Variants in LRBA observed in about 807,000 individuals in gnomAD.
The protein encoded by LRBA is lipopolysaccharide-responsive and beige-like anchor protein.
A neutral mutation model predicts 330.0 loss-of-function variants in LRBA; 176 were observed. That is an observed-to-expected ratio of 0.53 (90% CI 0.47 to 0.60). The LOEUF (loss-of-function observed/expected upper bound fraction) is 0.60, where lower values mean the gene tolerates loss of function less well. LRBA is among the 20% of genes least tolerant of loss of function. LRBA has a pLI of 0.00. For missense variants in LRBA, 3,259 were observed against 3,444.8 expected (o/e 0.95, Z 1.35); for synonymous variants, 1,230 against 1,193.0 (o/e 1.03, Z -0.64).
intron 36 of LRBA, among the ~76,000 whole-genome samples, chr4:150,696,787 T>C (rs1185924015): frequency 6.7e-6 from 1 of 150,370 alleles, no homozygotes; most frequent in Non-Finnish European, 1.5e-5. Context: ...GGCAAATGAA[T>C]ACCTTGCACT....
chr4:150,433,167 T>C (rs1194313350), intron 46 of LRBA, among the ~76,000 whole-genome samples: 1 of 152,202 alleles, frequency 6.6e-6, no homozygotes. Context: ...CTCCTTATTA[T>C]TTGTGATGAA....
At chr4:151,012,720 T>C (rs1173076009) in intron 2 of LRBA, 1 of 152,156 alleles carries the variant, frequency 6.6e-6, no homozygotes, top group Non-Finnish European at 1.5e-5. Context: ...TGTGTGTGTC[T>C]ATAGGTGTTT....
chr4:150,928,371 G>C (rs1013414000), intron 4 of LRBA, 145 bp downstream of exon 4: 2 of 576,294 alleles, frequency 3.5e-6, no homozygotes, highest in Non-Finnish European at 6.2e-6. Flanking sequence ...GGCACGAGTA[G>C]CCACAGGGAT....
At chr4:150,590,246 GT>G (rs1340043960) in intron 39 of LRBA, among the ~76,000 whole-genome samples, 1 of 151,686 alleles carries the variant, frequency 6.6e-6, no homozygotes, top group Non-Finnish European at 1.5e-5. Context: ...CGTGAATGTT[GT>G]GAAAAGCCAT....
At chr4:150,387,087 T>C (rs1743191863) in intron 47 of LRBA, among the ~76,000 whole-genome samples, 1 of 150,962 alleles carries the variant, frequency 6.6e-6, no homozygotes, top group Non-Finnish European at 1.5e-5. Flanking sequence ...TCTTTTCAAG[T>C]CCTTTGCCCA....
At chr4:150,668,508 C>A (rs952569356) in intron 37 of LRBA, among the ~76,000 whole-genome samples, 2 of 152,146 alleles carry the variant, frequency 1.3e-5, no homozygotes, top group African/African-American at 4.8e-5. Context: ...CTAAATCCCA[C>A]AAAAGAGAAT....
intron 28 of LRBA, among the ~76,000 whole-genome samples, chr4:150,838,291 G>T (rs1442980812): frequency 6.6e-6 from 1 of 152,116 alleles, no homozygotes; most frequent in African/African-American, 2.4e-5. Flanking sequence ...TTCTCGAGGA[G>T]TATGTTTGTG....
chr4:150,865,248 A>ATT (rs1331819990), intron 22 of LRBA, among the ~76,000 whole-genome samples: 2 of 152,242 alleles, frequency 1.3e-5, no homozygotes, highest in Non-Finnish European at 2.9e-5. Context: ...AGAAATGAGA[A>ATT]TATCTGGGCA....
At chr4:150,452,688 A>G (rs776543129) in intron 44 of LRBA, among the ~76,000 whole-genome samples, 11 of 152,106 alleles carry the variant, frequency 7.2e-5, no homozygotes, top group African/African-American at 1.9e-4. Flanking sequence ...GCCTATAGCT[A>G]ACATCACACT....
intron 35 of LRBA, among the ~76,000 whole-genome samples, chr4:150,759,154 A>C (rs1478162441): frequency 6.6e-6 from 1 of 152,048 alleles, no homozygotes; most frequent in Non-Finnish European, 1.5e-5. Context: ...GGGCTCTAAC[A>C]AGTCACCCAC....
chr4:150,580,293 T>C (rs1392422636), intron 40 of LRBA: 3 of 117,898 alleles, frequency 2.5e-5, no homozygotes, highest in African/African-American at 8.3e-5. Flanking sequence ...AAATCCGAGA[T>C]AGTTTTTTTT....
In LRBA at chr4:150,685,414, ATATATATTTTTTTTTTTT is replaced by A. The variant is rs1489759677; in HGVS notation, c.5755-1715_5755-1698del. On this transcript the variant is annotated intron_variant, in intron 36 of 56. Coordinates refer to ENST00000651943, the MANE Select transcript of LRBA (RefSeq NM_001364905.1). Reference sequence around the variant, plus strand: ...TATATATATATATATATATATATATATATATATTTTTTTTTTTTTTTTTTTTTTTTTTTTTTGAGACAG... The same window carrying A: ...TATATATATATATATATATATATATATTTTTTTTTTTTTTTTTTGAGACAG... Among the ~76,000 whole-genome samples the A allele has an allele frequency of 2.1e-4, 4 of 19,388 alleles. No homozygotes were observed. In the South Asian group the frequency reaches 0.011, roughly 55 times the overall value. 12.7% of individuals were successfully genotyped at this position (19,388 alleles called of 152,430 possible). A position where few individuals can be genotyped will look rare whatever the true frequency, so the allele number is the denominator to read the frequency against.
intron 2 of LRBA, among the ~76,000 whole-genome samples, chr4:150,951,146 G>T (rs183969853): frequency 6.6e-6 from 1 of 152,286 alleles, no homozygotes; most frequent in East Asian, 1.9e-4. Flanking sequence ...TTCATTCAAT[G>T]ATGTAGCCTG....
At position 150,761,851 on chromosome 4, in the gene LRBA, TA is replaced by T. The variant is rs760075270; in HGVS notation, c.5581-5del. ...TCTGAATAGAATTTTGCCACTCCTA[TA>T]AAAAAAAAAGCAAAAATAGCTGAAG... On this transcript the variant is annotated splice_region_variant and splice_polypyrimidine_tract_variant and intron_variant, in intron 34 of 56. Transcript: ENST00000651943. 0.016 allele frequency: 19,361 copies of T among 1,221,092 alleles called. No individual in the cohort carries two copies. Among genetic ancestry groups the T allele is most frequent in the South Asian group, 0.024 (1,384 of 57,006 alleles). 75.6% of individuals were successfully genotyped at this position (1,221,092 alleles called of 1,614,324 possible).
At chr4:150,397,920 A>AT (rs1300683338) in intron 47 of LRBA, among the ~76,000 whole-genome samples, 2 of 152,210 alleles carry the variant, frequency 1.3e-5, no homozygotes, top group Admixed American at 1.3e-4. Flanking sequence ...GACAGCTCTT[A>AT]TTATCCTTCT....
intron 22 of LRBA, among the ~76,000 whole-genome samples, chr4:150,863,810 CA>C (rs533169723): frequency 1.0e-3 from 159 of 152,302 alleles, no homozygotes; most frequent in African/African-American, 3.7e-3. Context: ...CCTGAGATAT[CA>C]CCTAATCCAA....
intron 42 of LRBA, among the ~76,000 whole-genome samples, chr4:150,483,852 C>G (rs1229004535): frequency 6.6e-6 from 1 of 152,024 alleles, no homozygotes; most frequent in Non-Finnish European, 1.5e-5. Context: ...CTTATAAATA[C>G]ATTTTCAAAT....
chr4:150,683,475 C>G, intron 37 of LRBA, 76 bp downstream of exon 37: 3 of 1,123,962 alleles, frequency 2.7e-6, no homozygotes, highest in South Asian at 1.4e-5. Flanking sequence ...TGGCTTTGAT[C>G]ATATCCAAAG....
At chr4:150,802,201 A>G (rs890036399) in intron 33 of LRBA, among the ~76,000 whole-genome samples, 3 of 140,574 alleles carry the variant, frequency 2.1e-5, no homozygotes, top group African/African-American at 7.7e-5. Context: ...GTCTGGGTGT[A>G]GGAGTGAGAC....
Sources: allele counts gnomAD v4.1 joint callset (sites outside exome capture counted in the v4.1 genomes callset), GRCh38; gene constraint gnomAD v4.1.1; transcripts MANE v1.5; gene names NCBI Gene and HGNC (gene_info 2026-07-23, HGNC 2026-07-21).